Variants in DLC1 observed in about 807,000 individuals in gnomAD.
DLC1 encodes the protein DLC1 Rho GTPase activating protein, also known as rho GTPase-activating protein 7.
DLC1 carries 54 observed loss-of-function variants against 140.3 expected under a neutral mutation model. That is an observed-to-expected ratio of 0.38 (90% CI 0.31 to 0.48). The LOEUF is 0.48. DLC1 is among the 20% of genes least tolerant of loss of function. DLC1 has a pLI of 0.96. For missense variants in DLC1, 2,536 were observed against 1,907.0 expected, an observed-to-expected ratio of 1.33 and a Z score of -6.14; for synonymous variants, 986 against 728.1, an observed-to-expected ratio of 1.35 and a Z score of -5.70.
chr8:13,147,698 A>G (rs1439041698), intron 5 of DLC1, among the ~76,000 whole-genome samples: 1 of 152,134 alleles, frequency 6.6e-6, no homozygotes, highest in African/African-American at 2.4e-5. Context: ...GCCACAGAAA[A>G]GCATTTATTG....
intron 7 of DLC1, among the ~76,000 whole-genome samples, chr8:13,104,099 A>G (rs548310117): frequency 6.6e-6 from 1 of 152,276 alleles, no homozygotes; most frequent in East Asian, 1.9e-4. Context: ...AATATCCAAT[A>G]TTTAGAACAG....
intron 2 of DLC1, among the ~76,000 whole-genome samples, chr8:13,464,042 A>C (rs1799808507): frequency 6.6e-6 from 1 of 152,244 alleles, no homozygotes; most frequent in Non-Finnish European, 1.5e-5. Context: ...AGATATAGGC[A>C]AAATGCAAGA....
chr8:13,245,681 T>A (rs1001553165), intron 5 of DLC1, among the ~76,000 whole-genome samples: 54 of 152,160 alleles, frequency 3.5e-4, no homozygotes, highest in Middle Eastern at 6.8e-3. Flanking sequence ...TTTTAAAATT[T>A]TTTTATTATT....
At chr8:13,110,297 T>C (rs1819973071) in intron 7 of DLC1, among the ~76,000 whole-genome samples, 1 of 152,188 alleles carries the variant, frequency 6.6e-6, no homozygotes, top group Admixed American at 6.5e-5. Flanking sequence ...TTTATAGCCT[T>C]ATTTCGTCCT....
chr8:13,521,842 A>G (rs1802776643), intron 1 of DLC1, among the ~76,000 whole-genome samples: 1 of 152,180 alleles, frequency 6.6e-6, no homozygotes, highest in African/African-American at 2.4e-5. Flanking sequence ...ATACCAAGTG[A>G]AAATGCTTCA....
At chr8:13,588,802 G>C (rs923701059) in intron 1 of DLC1, among the ~76,000 whole-genome samples, 1 of 152,030 alleles carries the variant, frequency 6.6e-6, no homozygotes, top group African/African-American at 2.4e-5. Context: ...GAGAAGCATA[G>C]GGGCTGGGAG....
intron 12 of DLC1, among the ~76,000 whole-genome samples, chr8:13,093,371 TTGAAC>T (rs1818245679): frequency 1.3e-5 from 2 of 152,284 alleles, no homozygotes; most frequent in South Asian, 4.1e-4. Flanking sequence ...CAGTTCTGAA[TTGAAC>T]TGAACTGAAA....
In DLC1 at chr8:13,250,653, A is replaced by G. The variant is rs576127423; in HGVS notation, c.1348+54616T>C. On this transcript the variant is annotated intron_variant, in intron 5 of 17. Transcript: ENST00000276297. ...TAAATTTAATACTATAAGAAAGTTC[A>G]GTGCATTGCTGTGTAAGTCTACTGG... Among the ~76,000 whole-genome samples, 191 of 152,342 alleles carry G rather than the reference A, an allele frequency of 1.3e-3. 2 individuals carry two copies. The highest frequency in any genetic ancestry group is 3.5e-3 in the Admixed American group (53 of 15,294).
intron 4 of DLC1, among the ~76,000 whole-genome samples, chr8:13,331,862 G>C (rs1833603138): frequency 6.6e-6 from 1 of 152,112 alleles, no homozygotes; most frequent in Admixed American, 6.5e-5. Flanking sequence ...CTCACTCCTT[G>C]TTTTAAGTGG....
chr8:13,312,185 C>A lies in DLC1; in HGVS notation c.1315-6883G>T, dbSNP rs1052840266. ...GACCATCCTGGCTAACACGGTGAAA[C>A]CCCGTCTCTACTAAAAATACAAAAA... On this transcript the variant is annotated intron_variant, in intron 4 of 17. Coordinates refer to ENST00000276297, the MANE Select transcript of DLC1 (RefSeq NM_182643.3). Among the ~76,000 whole-genome samples the A allele has an allele frequency of 3.0e-4, 40 of 131,516 alleles. 1 individual carries two copies. Among genetic ancestry groups the A allele is most frequent in the African/African-American group, 1.2e-3 (40 of 34,508 alleles). The allele number at this position is 131,516 out of a possible 152,430, so 86.3% of individuals were successfully genotyped here. A position where few individuals can be genotyped will look rare whatever the true frequency, so the allele number is the denominator to read the frequency against.
intron 4 of DLC1, among the ~76,000 whole-genome samples, chr8:13,385,666 C>T (rs1237535957): frequency 6.6e-6 from 1 of 152,088 alleles, no homozygotes; most frequent in Non-Finnish European, 1.5e-5. Flanking sequence ...ATATGGTTGG[C>T]TTATATTTTT....
intron 1 of DLC1, among the ~76,000 whole-genome samples, chr8:13,598,547 A>G (rs1053885470): frequency 6.6e-6 from 1 of 152,070 alleles, no homozygotes; most frequent in African/African-American, 2.4e-5. Flanking sequence ...TACTCTTATG[A>G]TCTTGAAAAC....
At chr8:13,196,095 TACACACACACAC>T (rs59429334) in intron 5 of DLC1, among the ~76,000 whole-genome samples, 38 of 147,042 alleles carry the variant, frequency 2.6e-4, no homozygotes, top group Non-Finnish European at 4.9e-4. Flanking sequence ...TCTGTATTGA[TACACACACACAC>T]ACACACACAC....
At position 13,300,706 on chromosome 8, in the gene DLC1, G is replaced by A. The variant is rs142854241; in HGVS notation, c.1348+4563C>T. ...TGATACTGCGTCTGAATAACAAATG[G>A]CCATGTATGGACAGGTCACTCCTGA... On this transcript the variant is annotated intron_variant, in intron 5 of 17. Transcript: ENST00000276297. 3.4e-3 allele frequency among the ~76,000 whole-genome samples: 514 copies of A among 152,264 alleles called. 3 individuals carry two copies. The highest frequency in any genetic ancestry group is 0.015 in the Admixed American group (236 of 15,286).
chr8:13,449,427 C>G (rs1003400633), intron 2 of DLC1, among the ~76,000 whole-genome samples: 1 of 152,048 alleles, frequency 6.6e-6, no homozygotes, highest in Non-Finnish European at 1.5e-5. Flanking sequence ...TTGTTTTAAC[C>G]CAGAAAGTGC....
chr8:13,160,973 T>G (rs75263013), intron 5 of DLC1, among the ~76,000 whole-genome samples: 1 of 151,950 alleles, frequency 6.6e-6, no homozygotes, highest in Non-Finnish European at 1.5e-5. Flanking sequence ...CCCAGCTACT[T>G]GGGAGGCGGA....
intron 5 of DLC1, among the ~76,000 whole-genome samples, chr8:13,257,439 GA>G (rs34452124): frequency 0.65 from 67,883 of 104,402 alleles, 19,720 homozygotes; most frequent in East Asian, 0.88. Flanking sequence ...CCTGTCTCAG[GA>G]AAAAAAAAAA....
At chr8:13,332,681 A>C (rs1729103) in intron 4 of DLC1, among the ~76,000 whole-genome samples, 130,036 of 151,918 alleles carry the variant, frequency 0.86, 56,079 homozygotes, top group East Asian at 0.95. Flanking sequence ...GAAACGCCCG[A>C]CTTGGCCTCC....
intron 3 of DLC1, among the ~76,000 whole-genome samples, chr8:13,394,930 G>A (rs556316849): frequency 6.6e-6 from 1 of 151,958 alleles, no homozygotes; most frequent in South Asian, 2.1e-4. Context: ...TCAAACCAAA[G>A]AACTTCACTC....
Sources: gnomAD v4.1 joint callset for allele counts (sites outside exome capture counted in the v4.1 genomes callset) on GRCh38, gnomAD v4.1.1 for gene constraint, MANE v1.5 for transcripts, NCBI Gene and HGNC (gene_info 2026-07-23, HGNC 2026-07-21) for gene names.